Variants in TNKS observed in about 807,000 individuals in gnomAD.
TNKS encodes poly [ADP-ribose] polymerase tankyrase-1.
TNKS carries 72 observed loss-of-function variants against 135.8 expected under a neutral mutation model. The ratio of observed to expected loss-of-function variants is 0.53; its 90% confidence interval spans 0.44 to 0.64. The LOEUF is 0.64. TNKS is among the 30% of genes least tolerant of loss of function. The probability of loss-of-function intolerance (pLI) is 0.00; values close to 1 mark genes in which losing one functional copy is unlikely to be tolerated. For missense variants in TNKS, 1,769 were observed against 1,674.0 expected (o/e 1.06, Z -0.99); for synonymous variants, 849 against 649.3 (o/e 1.31, Z -4.68).
chr8:9,676,855 T>C (rs1473700313), intron 3 of TNKS, among the ~76,000 whole-genome samples: 2 of 152,212 alleles, frequency 1.3e-5, no homozygotes, highest in Non-Finnish European at 1.5e-5. Context: ...TTTTAAGCCA[T>C]CTATTTTCTT....
intron 20 of TNKS, among the ~76,000 whole-genome samples, chr8:9,760,939 C>T (rs1807118306): frequency 6.6e-6 from 1 of 152,172 alleles, no homozygotes; most frequent in South Asian, 2.1e-4. Context: ...AAAATGTAGC[C>T]TCTTTAAAAC....
chr8:9,700,186 T>G (rs1803729320), intron 5 of TNKS, among the ~76,000 whole-genome samples: 1 of 152,190 alleles, frequency 6.6e-6, no homozygotes, highest in Non-Finnish European at 1.5e-5. Context: ...AGCATTTATA[T>G]TGTATTGCCT....
intron 12 of TNKS, 29 bp downstream of exon 12, chr8:9,720,574 T>G: frequency 1.3e-6 from 2 of 1,582,448 alleles, no homozygotes; most frequent in Non-Finnish European, 1.7e-6. Flanking sequence ...ACAGGGCATT[T>G]TATGTTTTCT....
chr8:9,750,498 G>A (rs554396201), intron 18 of TNKS, among the ~76,000 whole-genome samples: 13 of 152,234 alleles, frequency 8.5e-5, no homozygotes, highest in African/African-American at 9.6e-5. Flanking sequence ...TCTACCTTCC[G>A]TAAGACCTCC....
At chr8:9,707,295 G>A (rs183989329) in intron 8 of TNKS, among the ~76,000 whole-genome samples, 17 of 152,336 alleles carry the variant, frequency 1.1e-4, no homozygotes, top group Admixed American at 2.6e-4. Context: ...TACTTGCAAT[G>A]TGGCAGGCAC....
At chr8:9,686,190 T>G (rs1802988696) in intron 5 of TNKS, among the ~76,000 whole-genome samples, 1 of 152,180 alleles carries the variant, frequency 6.6e-6, no homozygotes, top group African/African-American at 2.4e-5. Flanking sequence ...TTTCTTTTTT[T>G]GTAATTCTTC....
chr8:9,743,725 C>CA (rs1363301020), intron 17 of TNKS, among the ~76,000 whole-genome samples: 1 of 151,958 alleles, frequency 6.6e-6, no homozygotes, highest in Non-Finnish European at 1.5e-5. Flanking sequence ...CCATTTCTAC[C>CA]AAAAAATACA....
intron 3 of TNKS, among the ~76,000 whole-genome samples, chr8:9,672,674 A>AC (rs1563158311): frequency 1.3e-4 from 17 of 129,874 alleles, no homozygotes; most frequent in African/African-American, 3.9e-4. Context: ...AAAAAAAAAA[A>AC]AACACATACA....
chr8:9,707,616 C>T (rs1365442223), intron 8 of TNKS, among the ~76,000 whole-genome samples: 2 of 152,130 alleles, frequency 1.3e-5, no homozygotes, highest in African/African-American at 4.8e-5. Flanking sequence ...CCAATATATA[C>T]ATGCAAATGT....
At chr8:9,679,190 T>G (rs997667860) in intron 3 of TNKS, among the ~76,000 whole-genome samples, 10 of 152,346 alleles carry the variant, frequency 6.6e-5, no homozygotes, top group Admixed American at 5.2e-4. Flanking sequence ...CTGCTCATTC[T>G]CAAAGACCCC....
intron 3 of TNKS, among the ~76,000 whole-genome samples, chr8:9,656,879 T>G (rs1801401506): frequency 7.5e-6 from 1 of 132,626 alleles, no homozygotes; most frequent in African/African-American, 2.9e-5. Context: ...TGCACCGCCC[T>G]TAATCCATTT....
intron 1 of TNKS, among the ~76,000 whole-genome samples, chr8:9,562,000 A>G (rs1563379231): frequency 6.6e-6 from 1 of 152,014 alleles, no homozygotes; most frequent in Non-Finnish European, 1.5e-5. Context: ...TATTTTTAGT[A>G]GAGACGGGGT....
chr8:9,663,423 G>A (rs776108438), intron 3 of TNKS, among the ~76,000 whole-genome samples: 2 of 151,944 alleles, frequency 1.3e-5, no homozygotes, highest in African/African-American at 4.8e-5. Context: ...CCTCTTTTTT[G>A]TTTTACTGCT....
intron 3 of TNKS, among the ~76,000 whole-genome samples, chr8:9,638,123 C>T (rs532002588): frequency 5.9e-5 from 9 of 152,266 alleles, no homozygotes; most frequent in Middle Eastern, 3.4e-3. Context: ...TATGGGCGTA[C>T]GCCACTATAA....
At chr8:9,704,570 C>A in intron 5 of TNKS, 93 bp from the exon 6 acceptor site, 1 of 1,048,806 alleles carries the variant, frequency 9.5e-7, no homozygotes, top group African/African-American at 1.6e-5. Context: ...ATTTTTGTGT[C>A]AACTTTCATT....
At chr8:9,707,243 G>A (rs1009953374) in intron 8 of TNKS, among the ~76,000 whole-genome samples, 1 of 151,614 alleles carries the variant, frequency 6.6e-6, no homozygotes, top group Non-Finnish European at 1.5e-5. Flanking sequence ...TTGGTTTTTT[G>A]AAGGCTAATG....
At chr8:9,679,482 T>C (rs1033537807) in intron 3 of TNKS, among the ~76,000 whole-genome samples, 3 of 152,186 alleles carry the variant, frequency 2.0e-5, no homozygotes, top group Non-Finnish European at 4.4e-5. Flanking sequence ...TAATGTTTTT[T>C]TTTTAACTTT....
chr8:9,648,777 C>T (rs1801017742), intron 3 of TNKS, among the ~76,000 whole-genome samples: 1 of 152,162 alleles, frequency 6.6e-6, no homozygotes, highest in Non-Finnish European at 1.5e-5. Flanking sequence ...TTATGTGGCA[C>T]ATGACTGTAC....
At chr8:9,744,476 C>T (rs1196636507) in intron 17 of TNKS, among the ~76,000 whole-genome samples, 1 of 152,172 alleles carries the variant, frequency 6.6e-6, no homozygotes, top group African/African-American at 2.4e-5. Flanking sequence ...GTTTCTCTTT[C>T]CCCTACTTCC....
Sources: gnomAD v4.1 joint callset for allele counts (sites outside exome capture counted in the v4.1 genomes callset) on GRCh38, gnomAD v4.1.1 for gene constraint, MANE v1.5 for transcripts, NCBI Gene and HGNC (gene_info 2026-07-23, HGNC 2026-07-21) for gene names.